The following STAC variants were observed in gnomAD, a reference collection of about 807,000 sequenced individuals.
STAC encodes SH3 and cysteine rich domain.
STAC carries 43 observed loss-of-function variants against 48.8 expected under a neutral mutation model. That is an observed-to-expected ratio of 0.88 (90% confidence interval 0.69 to 1.14). STAC has a LOEUF of 1.14. Ranked by LOEUF, STAC falls within the 50% of genes most tolerant of loss-of-function variation. The pLI, the probability that STAC is intolerant of heterozygous loss-of-function variation, is 0.00. For missense variants in STAC, 497 were observed against 504.0 expected (o/e 0.99, Z 0.13); for synonymous variants, 193 against 179.5 (o/e 1.07, Z -0.60).
At chr3:36,543,961 G>GAA (rs1453597707) in intron 10 of STAC, among the ~76,000 whole-genome samples, 1 of 152,058 alleles carries the variant, frequency 6.6e-6, no homozygotes, top group Non-Finnish European at 1.5e-5. Context: ...GTTTCACCTA[G>GAA]AACCAGCATA....
chr3:36,492,399 C>T (rs1374672100), intron 5 of STAC, among the ~76,000 whole-genome samples: 1 of 152,116 alleles, frequency 6.6e-6, no homozygotes, highest in African/African-American at 2.4e-5. Flanking sequence ...CCAGCTCCAC[C>T]ATGTATTAAC....
chr3:36,423,421 A>T (rs563855334), intron 1 of STAC, among the ~76,000 whole-genome samples: 14 of 151,686 alleles, frequency 9.2e-5, no homozygotes, highest in Middle Eastern at 6.8e-3. Flanking sequence ...GGCTTCAATA[A>T]GAAATAAATT....
intron 2 of STAC, among the ~76,000 whole-genome samples, chr3:36,477,810 A>G (rs1697532962): frequency 6.6e-6 from 1 of 152,218 alleles, no homozygotes; most frequent in African/African-American, 2.4e-5. Context: ...TGCCCCGGGA[A>G]GAACTGATGA....
At chr3:36,527,459 A>G (rs767827489) in intron 8 of STAC, among the ~76,000 whole-genome samples, 1 of 152,164 alleles carries the variant, frequency 6.6e-6, no homozygotes, top group Non-Finnish European at 1.5e-5. Context: ...AACTTTTTCT[A>G]AAACAATTCT....
At chr3:36,488,398 T>C (rs1448889633) in intron 5 of STAC, among the ~76,000 whole-genome samples, 1 of 152,230 alleles carries the variant, frequency 6.6e-6, no homozygotes, top group Non-Finnish European at 1.5e-5. Context: ...CCTGACTTAC[T>C]CGAGGGTAAC....
chr3:36,404,558 C>G (rs892449588), intron 1 of STAC, among the ~76,000 whole-genome samples: 1 of 152,026 alleles, frequency 6.6e-6, no homozygotes, highest in Non-Finnish European at 1.5e-5. Context: ...GTATTTATAA[C>G]AGCAAAAATT....
At chr3:36,384,239 T>C (rs1276620717) in intron 1 of STAC, among the ~76,000 whole-genome samples, 5 of 152,184 alleles carry the variant, frequency 3.3e-5, no homozygotes, top group African/African-American at 1.2e-4. Flanking sequence ...TGTGAAGGTT[T>C]GCTATAAATC....
chr3:36,473,096 A>G (rs1195996201), intron 2 of STAC, among the ~76,000 whole-genome samples: 2 of 152,230 alleles, frequency 1.3e-5, no homozygotes, highest in Admixed American at 6.5e-5. Flanking sequence ...CACTTCTTAC[A>G]TGGCAGCAAC....
intron 2 of STAC, among the ~76,000 whole-genome samples, chr3:36,446,924 G>A (rs1050889159): frequency 4.6e-5 from 7 of 152,056 alleles, no homozygotes; most frequent in Admixed American, 2.0e-4. Context: ...CTTCCATAAC[G>A]GCATCCATTG....
intron 1 of STAC, among the ~76,000 whole-genome samples, chr3:36,408,528 T>G (rs1700128776): frequency 6.6e-6 from 1 of 152,230 alleles, no homozygotes. Context: ...ATGCAAATCC[T>G]GATTGGTTTA....
chr3:36,511,857 C>T (rs1426595812), intron 8 of STAC, among the ~76,000 whole-genome samples: 1 of 152,220 alleles, frequency 6.6e-6, no homozygotes, highest in Non-Finnish European at 1.5e-5. Flanking sequence ...TGAAATGCTT[C>T]AGTTAGACCC....
At chr3:36,480,171 T>C (rs1407205186) in intron 2 of STAC, among the ~76,000 whole-genome samples, 1 of 152,192 alleles carries the variant, frequency 6.6e-6, no homozygotes, top group Non-Finnish European at 1.5e-5. Flanking sequence ...AATTCCCACA[T>C]AGAGCACAAA....
chr3:36,539,529 G>C (rs1229578415), intron 10 of STAC, among the ~76,000 whole-genome samples: 1 of 152,128 alleles, frequency 6.6e-6, no homozygotes, highest in African/African-American at 2.4e-5. Context: ...TCCCTGCAAA[G>C]GACATGATCT....
At chr3:36,420,659 C>A (rs923775399) in intron 1 of STAC, among the ~76,000 whole-genome samples, 1 of 152,222 alleles carries the variant, frequency 6.6e-6, no homozygotes, top group Admixed American at 6.5e-5. Context: ...ACCATCCCCC[C>A]TCTACCTCAA....
intron 6 of STAC, among the ~76,000 whole-genome samples, chr3:36,500,317 C>T (rs1698252884): frequency 6.6e-6 from 1 of 152,150 alleles, no homozygotes; most frequent in Non-Finnish European, 1.5e-5. Flanking sequence ...GAGCTAGAAG[C>T]CATTATCCTA....
At chr3:36,444,920 C>G (rs1366507389) in intron 2 of STAC, among the ~76,000 whole-genome samples, 1 of 152,192 alleles carries the variant, frequency 6.6e-6, no homozygotes, top group East Asian at 1.9e-4. Flanking sequence ...CTCATCACGT[C>G]TCATGCTCAA....
At chr3:36,462,807 T>A (rs1206992596) in intron 2 of STAC, among the ~76,000 whole-genome samples, 4 of 152,200 alleles carry the variant, frequency 2.6e-5, no homozygotes, top group African/African-American at 9.6e-5. Flanking sequence ...GATTCTAATG[T>A]TTCCACATTA....
At chr3:36,534,586 T>C (rs1401209932) in intron 10 of STAC, among the ~76,000 whole-genome samples, 1 of 152,056 alleles carries the variant, frequency 6.6e-6, no homozygotes, top group Non-Finnish European at 1.5e-5. Context: ...ATTGTATTTT[T>C]TTTTTGCAGA....
intron 7 of STAC, among the ~76,000 whole-genome samples, chr3:36,504,722 C>T (rs1382153608): frequency 1.3e-5 from 2 of 151,754 alleles, no homozygotes; most frequent in African/African-American, 2.4e-5. Context: ...TATATTATCA[C>T]TGTATTTTAT....
Sources: allele counts gnomAD v4.1 joint callset (sites outside exome capture counted in the v4.1 genomes callset), GRCh38; gene constraint gnomAD v4.1.1; transcripts MANE v1.5; gene names NCBI Gene and HGNC (gene_info 2026-07-23, HGNC 2026-07-21).